Variants in TBC1D16 observed in about 807,000 individuals in gnomAD.
TBC1D16 encodes CTD-2529O21.1.
Under a neutral mutation model 74.7 loss-of-function variants are expected in TBC1D16, and 58 were observed. The ratio of observed to expected loss-of-function variants is 0.78; its 90% CI spans 0.63 to 0.97. The LOEUF (loss-of-function observed/expected upper bound fraction) is 0.97. Ranked by LOEUF, TBC1D16 falls within the 50% of genes least tolerant of loss-of-function variation. The pLI is 0.00. For missense variants in TBC1D16, 1,014 were observed against 1,079.5 expected (o/e 0.94, Z 0.85); for synonymous variants, 493 against 474.7 (o/e 1.04, Z -0.50).
intron 1 of TBC1D16, among the ~76,000 whole-genome samples, chr17:80,025,562 C>CCTGCCTGCTGGGAGCAG (rs1555886134): frequency 6.7e-6 from 1 of 148,348 alleles, no homozygotes; most frequent in Admixed American, 6.6e-5. Context: ...GGCTTCGGGG[C>CCTGCCTGCTGGGAGCAG]CCGCCTGCTG....
intron 1 of TBC1D16, among the ~76,000 whole-genome samples, chr17:80,029,921 G>C (rs2036716098): frequency 6.6e-6 from 1 of 152,098 alleles, no homozygotes; most frequent in Non-Finnish European, 1.5e-5. Flanking sequence ...CCAGCTTCTA[G>C]AGGTCACCCA....
intron 1 of TBC1D16, among the ~76,000 whole-genome samples, chr17:80,024,459 C>CACCATAGACACACACACTACACAT (rs2036433489): frequency 2.7e-3 from 23 of 8,636 alleles, no homozygotes; most frequent in South Asian, 8.1e-3. Flanking sequence ...ACCACACACA[C>CACCATAGACACACACACTACACAT]CATAGACACA....
chr17:80,008,732 G>A lies in TBC1D16; in HGVS notation c.779+1428C>T, dbSNP rs542109452. Among the ~76,000 whole-genome samples the A allele has an allele frequency of 3.9e-5, 6 of 152,296 alleles. No homozygotes were observed. The highest frequency in any genetic ancestry group is 7.2e-5 in the African/African-American group (3 of 41,556). On this transcript the variant is annotated intron_variant, in intron 3 of 11. Coordinates refer to ENST00000310924, the MANE Select transcript of TBC1D16 (RefSeq NM_019020.4). This position sits in a 1 kb window ranked among gnomAD's most constrained non-coding sequence, Gnocchi z 4.5. ...CCTGGAGTCCTCAGTTACGGCTCAC[G>A]GCTTCCTTTTATCTGCACTCTCCAA...
chr17:79,994,500 T>C lies in TBC1D16; in HGVS notation c.779+15660A>G, dbSNP rs959281317. On this transcript the variant is annotated intron_variant, in intron 3 of 11. Transcript: ENST00000310924. This position sits in a 1 kb window ranked among gnomAD's most constrained non-coding sequence, Gnocchi z 4.6. ...GTGCAATGGCGTGATCACAGCTCAC[T>C]GCAACCTCTGCCTCCTGGGTTCAAG... is the stretch of plus-strand genomic sequence containing the variant. Among the ~76,000 whole-genome samples the C allele has an allele frequency of 6.6e-6, 1 of 152,348 alleles. No individual in the cohort carries two copies.
chr17:80,019,164 G>T (rs1473207680), intron 1 of TBC1D16, among the ~76,000 whole-genome samples: 4 of 150,154 alleles, frequency 2.7e-5, no homozygotes, highest in Non-Finnish European at 5.9e-5. Flanking sequence ...TGTTTTGCCA[G>T]CACTGAGGAT....
rs1234074827 is a variant in TBC1D16 at position 79,950,210 on chromosome 17, TG to T, written c.1257+200del. 6.6e-6 allele frequency among the ~76,000 whole-genome samples: 1 copy of T among 151,814 alleles called. No individual in the cohort carries two copies. Among genetic ancestry groups the T allele is most frequent in the Non-Finnish European group, 1.5e-5 (1 of 67,868 alleles). ...AACCCTCGAGGGAGGTGTTGTGTTTTGTTTTTTTTTTTCAACGCAGCAGCTT... is the reference window on the plus strand; with the variant it reads ...AACCCTCGAGGGAGGTGTTGTGTTTTTTTTTTTTTTTCAACGCAGCAGCTT... On this transcript the variant is annotated intron_variant, in intron 6 of 11. Transcript: ENST00000310924. This position sits in a 1 kb window ranked among gnomAD's most constrained non-coding sequence, Gnocchi z 4.6.
rs1167334378 is a variant in TBC1D16, at chr17:79,986,715, A to T, written c.779+23445T>A. Among the ~76,000 whole-genome samples the T allele has an allele frequency of 6.6e-6, 1 of 152,122 alleles. No homozygotes were observed. The highest frequency in any genetic ancestry group is 1.5e-5 in the Non-Finnish European group (1 of 68,026). ...TGAACGGGCTTCCTCTCGGAAACCA[A>T]CATCCTGGTTGGGTTTTCCCTTCCA... On this transcript the variant is annotated intron_variant, in intron 3 of 11. Transcript: ENST00000310924. This position sits in a 1 kb window ranked among gnomAD's most constrained non-coding sequence, Gnocchi z 6.0.
At chr17:80,023,666 C>CCCT (rs765410417) in intron 1 of TBC1D16, among the ~76,000 whole-genome samples, 15 of 144,558 alleles carry the variant, frequency 1.0e-4, no homozygotes, top group African/African-American at 2.9e-4. Context: ...GGCCCCCCCC[C>CCCT]ACCGGCTCAG....
intron 1 of TBC1D16, among the ~76,000 whole-genome samples, chr17:80,018,194 A>AT (rs1190771833): frequency 3.3e-5 from 5 of 151,278 alleles, no homozygotes; most frequent in Non-Finnish European, 3.0e-5. Context: ...AAAAAAAAAA[A>AT]GTGAAATTAA....
intron 3 of TBC1D16, among the ~76,000 whole-genome samples, chr17:79,967,099 A>G (rs1310898715): frequency 6.6e-6 from 1 of 152,232 alleles, no homozygotes; most frequent in African/African-American, 2.4e-5. Context: ...CTATAAAAAA[A>G]ACCCCACAAA....
In TBC1D16 at chr17:79,944,148, C is replaced by T; in HGVS notation, c.1908+760G>A. 1 of 1,535,868 alleles carries T rather than the reference C, an allele frequency of 6.5e-7. No individual in the cohort carries two copies. ...GGACAGGAGACGCTGACGCAAATGT[C>T]TTCCAGCAGATGGGTGTTTGCCTCC... is the stretch of plus-strand genomic sequence containing the variant. On this transcript the variant is annotated intron_variant, in intron 10 of 11. Coordinates refer to ENST00000310924, the MANE Select transcript of TBC1D16 (RefSeq NM_019020.4). The surrounding 1 kb of genome is among the most constrained non-coding windows in gnomAD (Gnocchi z 7.7).
At chr17:79,998,149 A>G (rs2035346765) in intron 3 of TBC1D16, among the ~76,000 whole-genome samples, 1 of 146,994 alleles carries the variant, frequency 6.8e-6, no homozygotes, top group Non-Finnish European at 1.5e-5. Flanking sequence ...AAAAAAAAAG[A>G]CAAGAAAAGA....
At chr17:80,015,423 G>C (rs781145818) in intron 1 of TBC1D16, among the ~76,000 whole-genome samples, 3 of 152,040 alleles carry the variant, frequency 2.0e-5, no homozygotes, top group Non-Finnish European at 4.4e-5. Context: ...GACAGAGTGA[G>C]ACTCCGTCTC....
In TBC1D16 at chr17:79,952,539, A is replaced by G. The variant is rs1036308069; in HGVS notation, c.941+118T>C. 311 of 1,290,080 alleles carry G rather than the reference A, an allele frequency of 2.4e-4. 2 individuals carry two copies. Among genetic ancestry groups the G allele is most frequent in the Admixed American group, 1.0e-4 (4 of 39,250 alleles). 79.9% of individuals were successfully genotyped at this position (1,290,080 alleles called of 1,614,324 possible). ...GAGGGAGGAAAGCAGACGCTTGGGA[A>G]GACTCCATCCAGGGCCCTGTGTCCC... On this transcript the variant is annotated intron_variant, in intron 4 of 11. Coordinates refer to ENST00000310924, the MANE Select transcript of TBC1D16 (RefSeq NM_019020.4).
intron 3 of TBC1D16, among the ~76,000 whole-genome samples, chr17:79,966,918 TG>T: frequency 6.6e-6 from 1 of 152,296 alleles, no homozygotes; most frequent in Non-Finnish European, 1.5e-5. Flanking sequence ...AATAGATGGA[TG>T]TAAGACACTA....
At chr17:79,982,216 G>A (rs1568609354) in intron 3 of TBC1D16, among the ~76,000 whole-genome samples, 2 of 149,094 alleles carry the variant, frequency 1.3e-5, no homozygotes, top group South Asian at 2.2e-4. Context: ...ACACGATCTC[G>A]GCTCACCACA....
chr17:80,000,206 G>C lies in TBC1D16; in HGVS notation c.779+9954C>G, dbSNP rs1256769092. ...TTGGCACCCATAGAGCATATGCCGC[G>C]GTGAACAGTGCTCCCCCAAGATTCA... On this transcript the variant is annotated intron_variant, in intron 3 of 11. Coordinates refer to ENST00000310924, the MANE Select transcript of TBC1D16 (RefSeq NM_019020.4). This position sits in a 1 kb window ranked among gnomAD's most constrained non-coding sequence, Gnocchi z 4.1. 2.0e-5 allele frequency among the ~76,000 whole-genome samples: 3 copies of C among 152,108 alleles called. No individual in the cohort carries two copies. The highest frequency in any genetic ancestry group is 7.2e-5 in the African/African-American group (3 of 41,412).
chr17:80,021,999 G>C (rs1490496513), intron 1 of TBC1D16, among the ~76,000 whole-genome samples: 1 of 137,706 alleles, frequency 7.3e-6, no homozygotes, highest in African/African-American at 2.8e-5. Context: ...TTTGACATAC[G>C]GAGGTTTAAA....
intron 1 of TBC1D16, among the ~76,000 whole-genome samples, chr17:80,014,194 C>T (rs968079671): frequency 8.6e-5 from 13 of 151,768 alleles, no homozygotes; most frequent in African/African-American, 3.1e-4. Flanking sequence ...TCATCTCTAC[C>T]AAAAATACAA....
Sources: gnomAD v4.1 joint callset for allele counts (sites outside exome capture counted in the v4.1 genomes callset) on GRCh38, gnomAD v4.1.1 for gene constraint, Gnocchi (gnomAD v3.1) non-coding constraint, MANE v1.5 for transcripts, NCBI Gene and HGNC (gene_info 2026-07-23, HGNC 2026-07-21) for gene names.